The following ZNF521 variants were observed in gnomAD, a reference collection of about 807,000 sequenced individuals.
ZNF521 encodes the protein LYST-interacting protein 3.
ZNF521 carries 14 observed loss-of-function variants against 105.5 expected under a neutral mutation model. That is an observed-to-expected ratio of 0.13 (90% CI 0.09 to 0.21). The LOEUF (loss-of-function observed/expected upper bound fraction) is 0.21, where lower values mean the gene tolerates loss of function less well. ZNF521 is among the 10% of genes least tolerant of loss of function. The pLI, the probability that ZNF521 is intolerant of heterozygous loss-of-function variation, is 1.00. For missense variants in ZNF521, 1,233 were observed against 1,629.7 expected (o/e 0.76, Z 4.19); for synonymous variants, 635 against 606.0 (o/e 1.05, Z -0.70).
intron 5 of ZNF521, among the ~76,000 whole-genome samples, chr18:25,135,026 C>T (rs1261833683): frequency 6.6e-6 from 1 of 152,098 alleles, no homozygotes; most frequent in South Asian, 2.1e-4. Flanking sequence ...CCCTTAGCAA[C>T]TTGACAGGAG....
intron 3 of ZNF521, among the ~76,000 whole-genome samples, chr18:25,304,509 G>T (rs1173348013): frequency 2.0e-5 from 3 of 152,144 alleles, no homozygotes. Flanking sequence ...TGCCCCCAGA[G>T]AACTCTTCAA....
intron 2 of ZNF521, among the ~76,000 whole-genome samples, chr18:25,342,577 C>A (rs1194786994): frequency 1.0e-5 from 1 of 96,198 alleles, no homozygotes; most frequent in Non-Finnish European, 2.4e-5. Flanking sequence ...TACAGGCGCC[C>A]GTCACCACGC....
intron 7 of ZNF521, among the ~76,000 whole-genome samples, chr18:25,076,449 C>A (rs1162866390): frequency 6.6e-6 from 1 of 152,128 alleles, no homozygotes; most frequent in Non-Finnish European, 1.5e-5. Flanking sequence ...TCATATTCTT[C>A]TTAGGGTAAA....
At chr18:25,241,879 T>C (rs1312524306) in intron 3 of ZNF521, among the ~76,000 whole-genome samples, 2 of 152,226 alleles carry the variant, frequency 1.3e-5, no homozygotes, top group Non-Finnish European at 2.9e-5. Context: ...TCTTATTCTA[T>C]TCAAACCCAC....
At chr18:25,152,903 A>G (rs1171354533) in intron 5 of ZNF521, among the ~76,000 whole-genome samples, 2 of 152,204 alleles carry the variant, frequency 1.3e-5, no homozygotes, top group African/African-American at 2.4e-5. Flanking sequence ...CTGCTTTTCT[A>G]CAAGAGTCTT....
chr18:25,081,687 T>C (rs954504481), intron 7 of ZNF521, among the ~76,000 whole-genome samples: 1 of 152,246 alleles, frequency 6.6e-6, no homozygotes, highest in African/African-American at 2.4e-5. Context: ...GTGATAATCA[T>C]GCTTATCTTT....
intron 3 of ZNF521, among the ~76,000 whole-genome samples, chr18:25,314,613 T>G (rs952235548): frequency 2.0e-5 from 3 of 152,224 alleles, no homozygotes; most frequent in African/African-American, 7.2e-5. Context: ...TAGGGCTTTA[T>G]ATATCTGGTC....
At chr18:25,159,425 T>C (rs754339420) in intron 5 of ZNF521, among the ~76,000 whole-genome samples, 5 of 152,154 alleles carry the variant, frequency 3.3e-5, no homozygotes, top group Non-Finnish European at 7.3e-5. Context: ...AGTTTTCTGC[T>C]ATTACTGGCT....
chr18:25,113,940 A>G (rs150438179), intron 5 of ZNF521, among the ~76,000 whole-genome samples: 1,747 of 152,242 alleles, frequency 0.011, 34 homozygotes, highest in African/African-American at 0.04. Context: ...CTTTCCCTTC[A>G]GTGATAAGGT....
intron 5 of ZNF521, among the ~76,000 whole-genome samples, chr18:25,122,233 T>C (rs2034457255): frequency 6.6e-6 from 1 of 151,298 alleles, no homozygotes; most frequent in Admixed American, 6.6e-5. Flanking sequence ...ACAGAAACTA[T>C]CCAAAATGAA....
intron 5 of ZNF521, among the ~76,000 whole-genome samples, chr18:25,123,420 T>C (rs1004589243): frequency 6.6e-6 from 1 of 152,140 alleles, no homozygotes; most frequent in African/African-American, 2.4e-5. Context: ...ATTGAAATAA[T>C]TCCGTGAAAT....
At chr18:25,334,021 A>G (rs1176597772) in intron 2 of ZNF521, among the ~76,000 whole-genome samples, 2 of 152,202 alleles carry the variant, frequency 1.3e-5, no homozygotes, top group Non-Finnish European at 2.9e-5. Flanking sequence ...CTCAACCTCT[A>G]CAAGGCAGTA....
At chr18:25,300,831 A>G in intron 3 of ZNF521, among the ~76,000 whole-genome samples, 1 of 152,170 alleles carries the variant, frequency 6.6e-6, no homozygotes, top group East Asian at 1.9e-4. Flanking sequence ...TTGATTCTTC[A>G]GTCAAATACT....
At chr18:25,324,413 A>G (rs1046385466) in intron 2 of ZNF521, among the ~76,000 whole-genome samples, 5 of 149,514 alleles carry the variant, frequency 3.3e-5, no homozygotes, top group African/African-American at 9.8e-5. Context: ...AAAAAAAAAA[A>G]TGGCAATGAT....
intron 3 of ZNF521, chr18:25,302,090 C>T (rs1911677691): frequency 6.6e-6 from 1 of 152,102 alleles, no homozygotes; most frequent in Admixed American, 6.6e-5. Flanking sequence ...CATTCTTCAG[C>T]ATTCCATTCC....
chr18:25,187,521 G>A (rs1434932496), intron 5 of ZNF521, among the ~76,000 whole-genome samples: 1 of 151,982 alleles, frequency 6.6e-6, no homozygotes, highest in Non-Finnish European at 1.5e-5. Context: ...TGGCAAGCAG[G>A]CCCTTTTATC....
intron 3 of ZNF521, among the ~76,000 whole-genome samples, chr18:25,257,735 T>C (rs565416995): frequency 3.5e-4 from 54 of 152,282 alleles, no homozygotes; most frequent in Admixed American, 1.7e-3. Context: ...GAGTATCAAA[T>C]GCATATTTTC....
intron 1 of ZNF521, chr18:25,351,496 G>A (rs1914771984): frequency 6.8e-6 from 1 of 146,374 alleles, no homozygotes. Context: ...ACACTGATTT[G>A]TTTACAAAGC....
chr18:25,128,001 CCAGA>C (rs1325094251), intron 5 of ZNF521, among the ~76,000 whole-genome samples: 1 of 151,814 alleles, frequency 6.6e-6, no homozygotes, highest in East Asian at 1.9e-4. Flanking sequence ...AATACAGAAA[CCAGA>C]CAAAGACATT....
Sources: allele counts gnomAD v4.1 joint callset (sites outside exome capture counted in the v4.1 genomes callset), GRCh38; gene constraint gnomAD v4.1.1; transcripts MANE v1.5; gene names NCBI Gene and HGNC (gene_info 2026-07-23, HGNC 2026-07-21).